SGK1: variants seen among roughly 807,000 people sequenced by gnomAD.
The protein encoded by SGK1 is serine/threonine-protein kinase Sgk1.
Under a neutral mutation model 64.2 loss-of-function variants are expected in SGK1, and 26 were observed. The ratio of observed to expected loss-of-function variants is 0.40; its 90% CI spans 0.30 to 0.56. The LOEUF is 0.56. SGK1 is among the 20% of genes least tolerant of loss of function. SGK1 has a pLI of 0.38. For missense variants in SGK1, 519 were observed against 645.6 expected, an observed-to-expected ratio of 0.80 and a Z score of 2.12; for synonymous variants, 265 against 239.7, an observed-to-expected ratio of 1.11 and a Z score of -0.98.
intron 3 of SGK1, among the ~76,000 whole-genome samples, chr6:134,206,547 A>G (rs982873750): frequency 6.6e-6 from 1 of 151,286 alleles, no homozygotes; most frequent in Non-Finnish European, 1.5e-5. Flanking sequence ...TGAAAAGAAG[A>G]CATAACAAAA....
At chr6:134,210,310 C>T (rs1422836350) in intron 2 of SGK1, among the ~76,000 whole-genome samples, 1 of 152,116 alleles carries the variant, frequency 6.6e-6, no homozygotes, top group East Asian at 1.9e-4. Flanking sequence ...CACAGAAGAA[C>T]AAATATTGCA....
At chr6:134,263,209 T>C (rs557598484) in intron 1 of SGK1, among the ~76,000 whole-genome samples, 80 of 152,182 alleles carry the variant, frequency 5.3e-4, no homozygotes, top group Non-Finnish European at 9.1e-4. Flanking sequence ...GTTTACAATC[T>C]AATCCATTGC....
intron 1 of SGK1, among the ~76,000 whole-genome samples, chr6:134,313,874 A>G (rs1257300268): frequency 6.6e-6 from 1 of 152,246 alleles, no homozygotes; most frequent in African/African-American, 2.4e-5. Context: ...CTGAGCCACA[A>G]ACAGAACAAA....
chr6:134,199,868 G>C (rs1540938), intron 3 of SGK1, among the ~76,000 whole-genome samples: 32 of 152,260 alleles, frequency 2.1e-4, no homozygotes, highest in East Asian at 1.3e-3. Context: ...GAACATCAAA[G>C]AATTATGTTT....
intron 2 of SGK1, among the ~76,000 whole-genome samples, chr6:134,241,563 G>A (rs2114725364): frequency 6.6e-6 from 1 of 152,128 alleles, no homozygotes; most frequent in South Asian, 2.1e-4. Context: ...CCCAAATGCA[G>A]GCTCTACGAA....
At chr6:134,297,325 T>C (rs1777372144) in intron 1 of SGK1, 1 of 1,196,196 alleles carries the variant, frequency 8.4e-7, no homozygotes, top group Non-Finnish European at 1.2e-6. Context: ...TATCGCGCCA[T>C]GTCCTGCTAG....
intron 2 of SGK1, among the ~76,000 whole-genome samples, chr6:134,207,830 T>A (rs1219150899): frequency 6.6e-6 from 1 of 152,254 alleles, no homozygotes; most frequent in Non-Finnish European, 1.5e-5. Context: ...AATCTCCACA[T>A]AACAGAAATG....
At chr6:134,303,903 A>G (rs549320138) in intron 1 of SGK1, among the ~76,000 whole-genome samples, 1 of 152,192 alleles carries the variant, frequency 6.6e-6, no homozygotes, top group African/African-American at 2.4e-5. Flanking sequence ...GGCTGGCCCA[A>G]TGACGTTTTG....
intron 1 of SGK1, among the ~76,000 whole-genome samples, chr6:134,268,538 C>T (rs1436897460): frequency 6.6e-6 from 1 of 150,750 alleles, no homozygotes; most frequent in African/African-American, 2.4e-5. Context: ...CTGGCTAACA[C>T]GGTGAAACCC....
At chr6:134,237,564 C>T (rs927404526) in intron 2 of SGK1, among the ~76,000 whole-genome samples, 1 of 152,050 alleles carries the variant, frequency 6.6e-6, no homozygotes, top group African/African-American at 2.4e-5. Context: ...GTGATCCCAG[C>T]TACTCAGGAG....
Position 134,173,619 on chromosome 6 carries a change from A to T in SGK1, c.514-53T>A, listed in dbSNP as rs550921566. On this transcript the variant is annotated intron_variant, in intron 5 of 13. Transcript: ENST00000367858. Reference sequence around the variant, plus strand: ...TAATACCATTGCTTCAAAGGAAGACATCTATAACATAAACGATGTAGAAAA... The same window carrying T: ...TAATACCATTGCTTCAAAGGAAGACTTCTATAACATAAACGATGTAGAAAA... The T allele has an allele frequency of 2.7e-4, 326 of 1,210,698 alleles. 7 individuals carry two copies. In the South Asian group the frequency reaches 4.2e-3, roughly 16 times the overall value. 75.0% of individuals were successfully genotyped at this position (1,210,698 alleles called of 1,614,324 possible).
At chr6:134,201,162 G>A (rs1034435389) in intron 3 of SGK1, among the ~76,000 whole-genome samples, 2 of 148,646 alleles carry the variant, frequency 1.3e-5, no homozygotes, top group African/African-American at 2.5e-5. Flanking sequence ...CTGGGTTCAC[G>A]CCATTCTCCT....
intron 2 of SGK1, among the ~76,000 whole-genome samples, chr6:134,209,570 A>C (rs1775851754): frequency 6.6e-6 from 1 of 152,240 alleles, no homozygotes; most frequent in South Asian, 2.1e-4. Context: ...TAGTTTCATC[A>C]ACTACTTAGT....
At chr6:134,177,983 T>C in intron 3 of SGK1, 1 of 654,048 alleles carries the variant, frequency 1.5e-6, no homozygotes, top group Non-Finnish European at 2.6e-6. Flanking sequence ...ATCAGTGTCC[T>C]AGCTTTATTA....
At chr6:134,268,515 G>A (rs1037586807) in intron 1 of SGK1, among the ~76,000 whole-genome samples, 3 of 151,602 alleles carry the variant, frequency 2.0e-5, no homozygotes, top group African/African-American at 7.3e-5. Flanking sequence ...GAGGTCAGTA[G>A]ATCGAGACCA....
At chr6:134,186,244 G>T (rs537530962) in intron 3 of SGK1, among the ~76,000 whole-genome samples, 9 of 152,260 alleles carry the variant, frequency 5.9e-5, no homozygotes, top group African/African-American at 1.9e-4. Context: ...CACCTGTTCT[G>T]TGTACAACAG....
At chr6:134,272,156 C>G (rs1158001171) in intron 1 of SGK1, among the ~76,000 whole-genome samples, 1 of 68,932 alleles carries the variant, frequency 1.5e-5, no homozygotes, top group African/African-American at 6.5e-5. Flanking sequence ...TTTTTTTTTT[C>G]TTGAGACGGA....
chr6:134,175,500 G>A lies in SGK1; in HGVS notation c.362-914C>T, dbSNP rs904756583. 4.2e-6 allele frequency: 6 copies of A among 1,426,214 alleles called. No homozygotes were observed. In the African/African-American group the frequency reaches 4.5e-5, roughly 11 times the overall value. 88.3% of individuals were successfully genotyped at this position (1,426,214 alleles called of 1,614,324 possible). ...CGGCCCCTGCCTCCAAGCCGCTCTG[G>A]GGAAGTGAGCCAAGCCCCCAGCGGG... On this transcript the variant is annotated intron_variant, in intron 3 of 13. Transcript: ENST00000367858.
At chr6:134,220,430 G>C (rs1166576168) in intron 2 of SGK1, among the ~76,000 whole-genome samples, 4 of 152,204 alleles carry the variant, frequency 2.6e-5, no homozygotes, top group Admixed American at 2.0e-4. Flanking sequence ...CTGTGGTTAA[G>C]AGAGGCCTCC....
Sources: allele counts gnomAD v4.1 joint callset (sites outside exome capture counted in the v4.1 genomes callset), GRCh38; gene constraint gnomAD v4.1.1; transcripts MANE v1.5; gene names NCBI Gene and HGNC (gene_info 2026-07-23, HGNC 2026-07-21).